Variants in STIMATE observed in about 807,000 individuals in gnomAD.
The protein encoded by STIMATE is store-operated calcium entry regulator STIMATE.
STIMATE carries 15 observed loss-of-function variants against 36.7 expected under a neutral mutation model. The observed-to-expected ratio is 0.41, with a 90% CI of 0.27 to 0.63. The LOEUF (loss-of-function observed/expected upper bound fraction) is 0.63. STIMATE is among the 20% of genes least tolerant of loss of function. The pLI is 0.32. For missense variants in STIMATE, 305 were observed against 397.3 expected (o/e 0.77, Z 1.98); for synonymous variants, 163 against 162.3 (o/e 1.00, Z -0.03).
chr3:52,848,235 G>A (rs1170537898), intron 4 of STIMATE: 1 of 152,300 alleles, frequency 6.6e-6, no homozygotes, highest in Non-Finnish European at 1.5e-5. Flanking sequence ...GGTCCCCACA[G>A]CTTTATTTGG....
chr3:52,874,360 C>CTTT (rs767342434), intron 1 of STIMATE, among the ~76,000 whole-genome samples: 10 of 152,132 alleles, frequency 6.6e-5, no homozygotes, highest in Non-Finnish European at 1.3e-4. Context: ...ATCATTAAAA[C>CTTT]GGTCAATGTG....
At chr3:52,863,376 G>C (rs1361872117) in intron 1 of STIMATE, among the ~76,000 whole-genome samples, 1 of 152,164 alleles carries the variant, frequency 6.6e-6, no homozygotes, top group African/African-American at 2.4e-5. Context: ...AAAATCATCA[G>C]ATCTTGTGAG....
At chr3:52,896,350 A>G (rs1289179678) in intron 1 of STIMATE, among the ~76,000 whole-genome samples, 2 of 152,212 alleles carry the variant, frequency 1.3e-5, no homozygotes, top group Admixed American at 1.3e-4. Context: ...AGATAGTTAT[A>G]ACCTTTCCTT....
chr3:52,875,935 T>C (rs1248499311), intron 1 of STIMATE, among the ~76,000 whole-genome samples: 1 of 152,190 alleles, frequency 6.6e-6, no homozygotes, highest in Non-Finnish European at 1.5e-5. Context: ...GGAGAAGCAG[T>C]GTGAGGGTGG....
chr3:52,873,941 G>C (rs1379461254), intron 1 of STIMATE, among the ~76,000 whole-genome samples: 1 of 152,178 alleles, frequency 6.6e-6, no homozygotes, highest in African/African-American at 2.4e-5. Flanking sequence ...CAATCTCATA[G>C]CGGGCAACGA....
chr3:52,878,908 A>C (rs561118570), intron 1 of STIMATE, among the ~76,000 whole-genome samples: 1 of 152,188 alleles, frequency 6.6e-6, no homozygotes, highest in African/African-American at 2.4e-5. Flanking sequence ...CAGTCTACTG[A>C]GAGGCTCCAA....
At chr3:52,847,146 G>T in intron 4 of STIMATE, 1 of 858,742 alleles carries the variant, frequency 1.2e-6, no homozygotes, top group African/African-American at 1.8e-5. Flanking sequence ...CTGGGCTCAA[G>T]CGATCCTCCC....
chr3:52,896,469 CCA>C (rs1553631914), intron 1 of STIMATE, among the ~76,000 whole-genome samples: 6 of 152,092 alleles, frequency 3.9e-5, no homozygotes, highest in Non-Finnish European at 7.4e-5. Context: ...AAGCCCCCCC[CCA>C]CCCCCCATCA....
intron 1 of STIMATE, among the ~76,000 whole-genome samples, chr3:52,857,690 C>CGTTATAAATTTATAATTTATA (rs1701130122): frequency 6.6e-6 from 1 of 150,860 alleles, no homozygotes; most frequent in East Asian, 1.9e-4. Context: ...AAATGTATTA[C>CGTTATAAATTTATAATTTATA]ATTATAAATG....
At chr3:52,884,965 C>T (rs1441317525) in intron 1 of STIMATE, among the ~76,000 whole-genome samples, 1 of 152,192 alleles carries the variant, frequency 6.6e-6, no homozygotes, top group African/African-American at 2.4e-5. Flanking sequence ...TGGTACATTT[C>T]ATTTTCTTTA....
intron 1 of STIMATE, among the ~76,000 whole-genome samples, chr3:52,858,267 T>C (rs986308370): frequency 2.6e-5 from 4 of 152,220 alleles, no homozygotes; most frequent in Admixed American, 6.5e-5. Flanking sequence ...TAGGCTTTTC[T>C]GTAAGTTTAA....
Position 52,840,522 on chromosome 3 carries a change from T to C in STIMATE, c.857A>G (p.Lys286Arg). The C allele has an allele frequency of 6.2e-7, 1 of 1,614,014 alleles. No homozygotes were observed. The highest frequency in any genetic ancestry group is 8.5e-7 in the Non-Finnish European group (1 of 1,179,950). The change falls in exon 8 of 8, where the codon AAG becomes AGG. Residue 286 changes from lysine to arginine, a missense_variant. By Grantham distance (26) the Lys-to-Arg change is conservative. This residue lies in a region of STIMATE where 84 missense variants were observed against 82.4 expected (regional missense o/e 1.02). Coordinates refer to ENST00000355083, the MANE Select transcript of STIMATE (RefSeq NM_198563.5). The part of the protein sequence containing the change: ...RLTPLKPVKK[K>R]KHRFGLPV ...TACGGGTAGCCCAAAGCGGTGCTTC[T>C]TTTTCTTCACAGGCTTGAGGGGGGT... is the stretch of plus-strand genomic sequence containing the variant.
Position 52,840,293 on chromosome 3 carries a change from C to T in STIMATE, c.*201G>A. On this transcript the variant is annotated 3_prime_UTR_variant, in exon 8 of 8. Coordinates refer to ENST00000355083, the MANE Select transcript of STIMATE (RefSeq NM_198563.5). ...CAACTGAATGGGGACCTCCAGCCGCCAGTGGCCCCCTCGGGCGCTGGCTCC... is the reference window on the plus strand; with the variant it reads ...CAACTGAATGGGGACCTCCAGCCGCTAGTGGCCCCCTCGGGCGCTGGCTCC... The T allele has an allele frequency of 1.8e-6, 1 of 548,202 alleles. No homozygotes were observed. The highest frequency in any genetic ancestry group is 3.2e-6 in the Non-Finnish European group (1 of 314,814). The allele number at this position is 548,202 out of a possible 1,614,324, so 34.0% of individuals were successfully genotyped here. A position where few individuals can be genotyped will look rare whatever the true frequency, so the allele number is the denominator to read the frequency against.
intron 4 of STIMATE, among the ~76,000 whole-genome samples, chr3:52,845,631 G>A (rs78282976): frequency 0.022 from 3,362 of 152,292 alleles, 55 homozygotes; most frequent in Non-Finnish European, 0.035. Flanking sequence ...GGTCCATCTG[G>A]GACCCCTTCA....
intron 1 of STIMATE, among the ~76,000 whole-genome samples, chr3:52,877,838 G>A (rs57273027): frequency 0.03 from 4,492 of 152,256 alleles, 262 homozygotes; most frequent in African/African-American, 0.1. Flanking sequence ...GCTCACGCCT[G>A]TAATCCCAGC....
At chr3:52,877,295 T>A (rs899586798) in intron 1 of STIMATE, among the ~76,000 whole-genome samples, 1 of 152,228 alleles carries the variant, frequency 6.6e-6, no homozygotes, top group Non-Finnish European at 1.5e-5. Flanking sequence ...CACCTGCCAC[T>A]GGCTGCGGCT....
intron 2 of STIMATE, among the ~76,000 whole-genome samples, chr3:52,855,146 T>C (rs890188884): frequency 1.5e-4 from 23 of 152,300 alleles, no homozygotes; most frequent in African/African-American, 5.5e-4. Context: ...GTATCTTCCA[T>C]CTTCTAGAAG....
At chr3:52,846,782 G>A (rs1002337266) in intron 4 of STIMATE, among the ~76,000 whole-genome samples, 6 of 152,216 alleles carry the variant, frequency 3.9e-5, no homozygotes, top group Admixed American at 1.3e-4. Context: ...GTTGGGAGAA[G>A]CACACGTGGC....
chr3:52,885,768 T>C (rs1000257897), intron 1 of STIMATE, among the ~76,000 whole-genome samples: 1 of 152,252 alleles, frequency 6.6e-6, no homozygotes, highest in South Asian at 2.1e-4. Context: ...ACTGCTGGGC[T>C]TCGCTTGGGT....
Sources: gnomAD v4.1 joint callset for allele counts (sites outside exome capture counted in the v4.1 genomes callset) on GRCh38, gnomAD v4.1.1 for gene constraint, gnomAD v4.1.1 regional missense constraint, MANE v1.5 for transcripts, NCBI Gene and HGNC (gene_info 2026-07-23, HGNC 2026-07-21) for gene names.